The following KHDRBS1 variants were observed in gnomAD, a reference collection of about 807,000 sequenced individuals.
KHDRBS1 encodes the protein KH RNA binding domain containing, signal transduction associated 1.
KHDRBS1 carries 7 observed loss-of-function variants against 48.4 expected under a neutral mutation model. The ratio of observed to expected loss-of-function variants is 0.14; its 90% CI spans 0.08 to 0.27. The LOEUF is 0.27. Ranked by LOEUF, KHDRBS1 falls within the 10% of genes least tolerant of loss-of-function variation. The probability of loss-of-function intolerance (pLI) is 1.00; values close to 1 mark genes in which losing one functional copy is unlikely to be tolerated. For synonymous variants in KHDRBS1, 241 were observed against 235.8 expected (o/e 1.02, Z -0.20); for missense variants, 458 against 601.2 (o/e 0.76, Z 2.49).
At chr1:32,035,116 CAA>C (rs1205957725) in intron 4 of KHDRBS1, among the ~76,000 whole-genome samples, 1 of 152,090 alleles carries the variant, frequency 6.6e-6, no homozygotes, top group Non-Finnish European at 1.5e-5. Context: ...CCAAGCCATT[CAA>C]TTTCCAAAGG....
intron 10 of KHDRBS1, among the ~76,000 whole-genome samples, chr1:32,059,757 C>T (rs1012177222): frequency 5.3e-5 from 8 of 152,068 alleles, no homozygotes; most frequent in Admixed American, 3.3e-4. Flanking sequence ...TTCTGATTTC[C>T]ATTCTTCAAA....
intron 1 of KHDRBS1, among the ~76,000 whole-genome samples, chr1:32,025,290 TC>T (rs1638943111): frequency 9.5e-6 from 1 of 104,912 alleles, no homozygotes; most frequent in Admixed American, 9.3e-5. Context: ...ATTCGGCTCC[TC>T]CTTTTTTTTT....
Position 32,013,922 on chromosome 1 carries a change from C to T in KHDRBS1, c.-74C>T. The T allele has an allele frequency of 4.5e-6, 6 of 1,325,672 alleles. No individual in the cohort carries two copies. In the Admixed American group the frequency reaches 1.6e-4, roughly 35 times the overall value. The allele number at this position is 1,325,672 out of a possible 1,614,324, so 82.1% of individuals were successfully genotyped here. A position where few individuals can be genotyped will look rare whatever the true frequency, so the allele number is the denominator to read the frequency against. On this transcript the variant is annotated 5_prime_UTR_variant, in exon 1 of 9. Coordinates refer to ENST00000327300, the MANE Select transcript of KHDRBS1 (RefSeq NM_006559.3). Reference sequence around the variant, plus strand: ...GTCGCTACCGCTCCCGCTCTGCCACCCCCGCCAACCGCCGCTCGGGCCTCC... The same window carrying T: ...GTCGCTACCGCTCCCGCTCTGCCACTCCCGCCAACCGCCGCTCGGGCCTCC...
chr1:32,031,483 A>G (rs1639079952), intron 2 of KHDRBS1, 41 bp from the exon 3 acceptor site: 1 of 1,218,650 alleles, frequency 8.2e-7, no homozygotes, highest in Non-Finnish European at 1.2e-6. Context: ...ATGTTTTTAT[A>G]TAGTAGCATG....
chr1:32,036,328 C>T (rs1418983162), intron 4 of KHDRBS1, among the ~76,000 whole-genome samples: 4 of 151,818 alleles, frequency 2.6e-5, no homozygotes, highest in Non-Finnish European at 5.9e-5. Context: ...CCTGCCGCGC[C>T]CGGCTAATTT....
intron 1 of KHDRBS1, among the ~76,000 whole-genome samples, chr1:32,022,705 A>T (rs994978344): frequency 6.6e-5 from 10 of 152,094 alleles, no homozygotes; most frequent in Admixed American, 1.3e-4. Flanking sequence ...CCTAGCTAAC[A>T]CGGTGAAACC....
In KHDRBS1 at chr1:32,018,885, A is replaced by G. The variant is rs141278446; in HGVS notation, c.382+4508A>G. 5.5e-3 allele frequency among the ~76,000 whole-genome samples: 840 copies of G among 152,358 alleles called. 10 individuals are homozygous for G. Among genetic ancestry groups the G allele is most frequent in the African/African-American group, 0.019 (808 of 41,574 alleles). On this transcript the variant is annotated intron_variant, in intron 1 of 8. Coordinates refer to ENST00000327300, the MANE Select transcript of KHDRBS1 (RefSeq NM_006559.3). Reference sequence around the variant, plus strand: ...CAGAAGTTCGAGACCAGTCTGACCAACATGGTGAAACCCTGTCTCTACTAA... The same window carrying G: ...CAGAAGTTCGAGACCAGTCTGACCAGCATGGTGAAACCCTGTCTCTACTAA...
intron 10 of KHDRBS1, among the ~76,000 whole-genome samples, chr1:32,051,516 T>C (rs1420202729): frequency 1.3e-5 from 2 of 152,218 alleles, no homozygotes; most frequent in Non-Finnish European, 2.9e-5. Flanking sequence ...TACTGCAGGC[T>C]GCTAAAGTGG....
chr1:32,048,835 C>G (rs1189379344), downstream of KHDRBS1, among the ~76,000 whole-genome samples: 1 of 151,878 alleles, frequency 6.6e-6, no homozygotes, highest in Non-Finnish European at 1.5e-5. Context: ...AAAAAGAAAC[C>G]CCATGCCTTT....
chr1:32,055,722 C>T (rs1048739361), intron 10 of KHDRBS1, among the ~76,000 whole-genome samples: 2 of 152,074 alleles, frequency 1.3e-5, no homozygotes, highest in East Asian at 3.9e-4. Flanking sequence ...CCCTTAGGAG[C>T]ACAAGCCTAT....
intron 1 of KHDRBS1, among the ~76,000 whole-genome samples, chr1:32,026,169 GCTTTC>G (rs1638967593): frequency 6.6e-6 from 1 of 151,822 alleles, no homozygotes; most frequent in Non-Finnish European, 1.5e-5. Flanking sequence ...CTCTAAAAAT[GCTTTC>G]CTTTGCTTTT....
chr1:32,033,377 T>C lies in KHDRBS1; in HGVS notation c.771+43T>C, dbSNP rs752603159. On this transcript the variant is annotated intron_variant, in intron 4 of 8. Transcript: ENST00000327300. Reference sequence around the variant, plus strand: ...CTGTGTCTTCTGAGCAAAAGAGAACTGGGATCTTATACTGTTGTGAAGGTA... The same window carrying C: ...CTGTGTCTTCTGAGCAAAAGAGAACCGGGATCTTATACTGTTGTGAAGGTA... 5 of 1,609,156 alleles carry C rather than the reference T, an allele frequency of 3.1e-6. No homozygotes were observed. The East Asian group carries it at 8.9e-5, about 29-fold the overall frequency.
chr1:32,051,397 A>G (rs1322708739), intron 10 of KHDRBS1, among the ~76,000 whole-genome samples: 1 of 152,272 alleles, frequency 6.6e-6, no homozygotes, highest in African/African-American at 2.4e-5. Context: ...TCAATAATAC[A>G]TAATAGCTGA....
At chr1:32,055,731 A>G (rs887487807) in intron 10 of KHDRBS1, among the ~76,000 whole-genome samples, 1 of 152,034 alleles carries the variant, frequency 6.6e-6, no homozygotes, top group Non-Finnish European at 1.5e-5. Flanking sequence ...GCACAAGCCT[A>G]TGGGGGCACT....
At position 32,023,166 on chromosome 1, in the gene KHDRBS1, C is replaced by T. The variant is rs1172651272; in HGVS notation, c.383-7132C>T. On this transcript the variant is annotated intron_variant, in intron 1 of 8. Coordinates refer to ENST00000327300, the MANE Select transcript of KHDRBS1 (RefSeq NM_006559.3). ...TGTCTTTCCTCCAAGATATATTAAG[C>T]AACGTGGAAGCTTATAGTCTGGTTG... Among the ~76,000 whole-genome samples, 5 of 151,940 alleles carry T rather than the reference C, an allele frequency of 3.3e-5. No homozygotes were observed. The East Asian group carries it at 7.7e-4, about 23-fold the overall frequency.
At chr1:32,037,180 A>G in intron 5 of KHDRBS1, 137 bp downstream of exon 5, 1 of 943,066 alleles carries the variant, frequency 1.1e-6, no homozygotes, top group South Asian at 1.7e-5. Context: ...TTCTACAACC[A>G]TACTCTCACA....
At chr1:32,015,785 A>G (rs994285515) in intron 1 of KHDRBS1, among the ~76,000 whole-genome samples, 8 of 152,184 alleles carry the variant, frequency 5.3e-5, no homozygotes, top group Admixed American at 2.0e-4. Context: ...CTTTTAAGGT[A>G]TTTCTGAATT....
At chr1:32,024,175 C>G (rs1258639674) in intron 1 of KHDRBS1, among the ~76,000 whole-genome samples, 3 of 152,048 alleles carry the variant, frequency 2.0e-5, no homozygotes, top group African/African-American at 7.2e-5. Flanking sequence ...ATTGCTTGAA[C>G]CTGGGAGGCA....
At chr1:32,024,244 C>CT (rs1171644687) in intron 1 of KHDRBS1, among the ~76,000 whole-genome samples, 3 of 151,290 alleles carry the variant, frequency 2.0e-5, no homozygotes, top group African/African-American at 7.3e-5. Context: ...CAGAGTGAGA[C>CT]TTCGTTTCAA....
Sources: gnomAD v4.1 joint callset for allele counts (sites outside exome capture counted in the v4.1 genomes callset) on GRCh38, gnomAD v4.1.1 for gene constraint, MANE v1.5 for transcripts, NCBI Gene and HGNC (gene_info 2026-07-23, HGNC 2026-07-21) for gene names.